Variants in BRMS1 observed in about 807,000 individuals in gnomAD.
BRMS1 encodes BRMS1 transcriptional repressor and anoikis regulator.
In BRMS1, 26 loss-of-function variants were observed where a neutral mutation model predicts 40.4. The ratio of observed to expected loss-of-function variants is 0.64; its 90% CI spans 0.47 to 0.89. BRMS1 has a LOEUF of 0.89. Among genes scored for constraint, BRMS1 ranks in the 40% least tolerant of loss-of-function variants. The probability of loss-of-function intolerance (pLI) is 0.00; values close to 1 mark genes in which losing one functional copy is unlikely to be tolerated. For synonymous variants in BRMS1, 103 were observed against 116.0 expected, an observed-to-expected ratio of 0.89 and a Z score of 0.72; for missense variants, 289 against 309.4, an observed-to-expected ratio of 0.93 and a Z score of 0.49.
In BRMS1 at chr11:66,338,731, G is replaced by A; in HGVS notation, c.683C>T (p.Ala228Val). The A allele has an allele frequency of 6.2e-7, 1 of 1,606,662 alleles. No individual in the cohort carries two copies. ...QEIDILEDWT[A>V]IKKARAAVSP... ...AGCAGCGGCCCCCACCTTTTTGATG[G>A]CTGTCCAGTCCTCCAGGATGTCGAT... The change falls in exon 8 of 10, where the codon GCC (alanine) becomes GTC (valine). Residue 228 changes from alanine (A) to valine (V), a missense_variant. Coordinates refer to ENST00000359957, the MANE Select transcript of BRMS1 (RefSeq NM_015399.4).
At position 66,341,733 on chromosome 11, in the gene BRMS1, C is replaced by T. The variant is rs567437326; in HGVS notation, c.140-110G>A. 2.9e-4 allele frequency: 271 copies of T among 930,960 alleles called. 3 individuals carry two copies. The South Asian group carries it at 3.5e-3, about 12-fold the overall frequency. 57.7% of individuals were successfully genotyped at this position (930,960 alleles called of 1,614,324 possible). ...TGTGCATGCATGCCTGTGTGTAGGGCCTGTGTGTGTGTGCGCGTACATGCT... is the reference window on the plus strand; with the variant it reads ...TGTGCATGCATGCCTGTGTGTAGGGTCTGTGTGTGTGTGCGCGTACATGCT... On this transcript the variant is annotated intron_variant, in intron 2 of 9. Coordinates refer to ENST00000359957, the MANE Select transcript of BRMS1 (RefSeq NM_015399.4). The surrounding 1 kb of genome is among the most constrained non-coding windows in gnomAD (Gnocchi z 4.9).
At chr11:66,344,796 G>C (rs1330270911) in intron 1 of BRMS1, 176 bp downstream of exon 1, 1 of 152,314 alleles carries the variant, frequency 6.6e-6, no homozygotes, top group African/African-American at 2.4e-5. Flanking sequence ...CGCCCAGGGG[G>C]CCTCCCGCTC....
chr11:66,339,375 G>A (rs192361541), intron 7 of BRMS1, among the ~76,000 whole-genome samples: 19 of 152,358 alleles, frequency 1.2e-4, no homozygotes, highest in African/African-American at 2.6e-4. Flanking sequence ...GCCTAGGAAG[G>A]GGTGGAGGCA....
intron 1 of BRMS1, 46 bp from the exon 2 acceptor site, chr11:66,342,287 G>C: frequency 6.3e-7 from 1 of 1,599,676 alleles, no homozygotes; most frequent in African/African-American, 1.3e-5. Context: ...CCACAGCTCA[G>C]AGGGGGAAAG....
Position 66,337,459 on chromosome 11 carries a change from C to T in BRMS1, c.*423G>A. On this transcript the variant is annotated 3_prime_UTR_variant, in exon 10 of 10. Coordinates refer to ENST00000359957, the MANE Select transcript of BRMS1 (RefSeq NM_015399.4). Reference sequence around the variant, plus strand: ...AGATCCAGCCAGGGTGGACAGACCCCCAGATAATCACGTCTGACTCAGAGT... The same window carrying T: ...AGATCCAGCCAGGGTGGACAGACCCTCAGATAATCACGTCTGACTCAGAGT... The T allele has an allele frequency of 3.6e-6, 2 of 553,710 alleles. No individual in the cohort carries two copies. Among genetic ancestry groups the T allele is most frequent in the Non-Finnish European group, 6.4e-6 (2 of 310,302 alleles). The allele number at this position is 553,710 out of a possible 1,614,324, so 34.3% of individuals were successfully genotyped here. A position where few individuals can be genotyped will look rare whatever the true frequency, so the allele number is the denominator to read the frequency against.
Position 66,338,250 on chromosome 11 carries a change from T to A in BRMS1, c.726A>T (p.Lys242Asn), listed in dbSNP as rs1854977392. ...AACAGCCATGGTTCTTACCATCCGA[T>A]TTTCTCTTCTGAGGGGACACAGCTG... ...ARAAVSPQKRKSDGP is the reference protein window; with the variant it reads ...ARAAVSPQKRNSDGP Residue 242 changes from lysine (K) to asparagine (N), a missense_variant, in exon 9 of 10, where the codon AAA becomes AAT. Lys to Asn is a moderately conservative substitution (Grantham distance 94, BLOSUM62 0). Coordinates refer to ENST00000359957, the MANE Select transcript of BRMS1 (RefSeq NM_015399.4). The A allele has an allele frequency of 1.9e-6, 3 of 1,611,434 alleles. No individual in the cohort carries two copies. The highest frequency in any genetic ancestry group is 2.5e-6 in the Non-Finnish European group (3 of 1,178,798).
chr11:66,340,217 C>T lies in BRMS1; in HGVS notation c.536-4G>A. On this transcript the variant is annotated splice_region_variant and splice_polypyrimidine_tract_variant and intron_variant, in intron 6 of 9. Coordinates refer to ENST00000359957, the MANE Select transcript of BRMS1 (RefSeq NM_015399.4). ...TGCAGTTTGTCATCCCACCATTCTG[C>T]CCCGAGACCCAGAGTTAGAATTGGG... 2 of 1,612,812 alleles carry T rather than the reference C, an allele frequency of 1.2e-6. No individual in the cohort carries two copies. Among genetic ancestry groups the T allele is most frequent in the Middle Eastern group, 3.3e-4 (2 of 6,058 alleles).
At chr11:66,338,143 C>T in intron 9 of BRMS1, 100 bp downstream of exon 9, 2 of 1,499,554 alleles carry the variant, frequency 1.3e-6, no homozygotes, top group Non-Finnish European at 1.8e-6. Context: ...CTGATTCTGA[C>T]ACAGTCACAG....
At chr11:66,340,073 G>T in intron 7 of BRMS1, 48 bp downstream of exon 7, 2 of 1,535,320 alleles carry the variant, frequency 1.3e-6, no homozygotes, top group South Asian at 1.1e-5. Context: ...GTCTGGAGTT[G>T]ACCCTTACAT....
chr11:66,337,643 G>A lies in BRMS1; in HGVS notation c.*239C>T, dbSNP rs770632740. ...GGAGGTGGCAGGCGGCTCAGGGATGGAGACAGCAGCCTTGCCTGGTCAGGT... is the reference window on the plus strand; with the variant it reads ...GGAGGTGGCAGGCGGCTCAGGGATGAAGACAGCAGCCTTGCCTGGTCAGGT... On this transcript the variant is annotated 3_prime_UTR_variant, in exon 10 of 10. Coordinates refer to ENST00000359957, the MANE Select transcript of BRMS1 (RefSeq NM_015399.4). The A allele has an allele frequency of 6.6e-7, 1 of 1,514,810 alleles. No homozygotes were observed. The highest frequency in any genetic ancestry group is 8.9e-7 in the Non-Finnish European group (1 of 1,124,008). The allele number at this position is 1,514,810 out of a possible 1,614,324, so 93.8% of individuals were successfully genotyped here.
chr11:66,342,806 C>T (rs1189189092), intron 1 of BRMS1, among the ~76,000 whole-genome samples: 1 of 152,236 alleles, frequency 6.6e-6, no homozygotes, highest in African/African-American at 2.4e-5. Context: ...CTCCTTCATC[C>T]CAACATATAA....
In BRMS1 at chr11:66,341,621, T is replaced by A. The variant is rs920915897; in HGVS notation, c.142A>T (p.Met48Leu). Residue 48 changes from methionine (M) to leucine (L), a missense_variant and splice_region_variant, in exon 3 of 10, where the codon ATG becomes TTG. Coordinates refer to ENST00000359957, the MANE Select transcript of BRMS1 (RefSeq NM_015399.4). This position sits in a 1 kb window ranked among gnomAD's most constrained non-coding sequence, Gnocchi z 4.9. The part of the protein sequence containing the change: ...QTESEEESSE[M>L]DDEDYERRRS... ...CGTCGCTCATAGTCCTCATCATCCATCTCTGGGACAAGAGGCCAGTAAGGG... is the reference window on the plus strand; with the variant it reads ...CGTCGCTCATAGTCCTCATCATCCAACTCTGGGACAAGAGGCCAGTAAGGG... 6.2e-7 allele frequency: 1 copy of A among 1,613,802 alleles called. No homozygotes were observed. Among genetic ancestry groups the A allele is most frequent in the African/African-American group, 1.3e-5 (1 of 74,902 alleles).
Position 66,341,804 on chromosome 11 carries a change from CTG to C in BRMS1, c.140-183_140-182del, listed in dbSNP as rs1476091614. ...GTGCGTGTGTGCTTGTGTGTAGGGG[CTG>C]TGTGTGCATATGCGTGCGTGCTTGT... On this transcript the variant is annotated intron_variant, in intron 2 of 9. Coordinates refer to ENST00000359957, the MANE Select transcript of BRMS1 (RefSeq NM_015399.4). This position sits in a 1 kb window ranked among gnomAD's most constrained non-coding sequence, Gnocchi z 4.9. The C allele has an allele frequency of 7.5e-6, 5 of 670,154 alleles. No homozygotes were observed. Among genetic ancestry groups the C allele is most frequent in the South Asian group, 3.3e-5 (2 of 59,882 alleles). 41.5% of individuals were successfully genotyped at this position (670,154 alleles called of 1,614,324 possible).
chr11:66,341,571 C>A lies in BRMS1; in HGVS notation c.192G>T (p.Met64Ile). 6.2e-7 allele frequency: 1 copy of A among 1,614,190 alleles called. No individual in the cohort carries two copies. Among genetic ancestry groups the A allele is most frequent in the Non-Finnish European group, 8.5e-7 (1 of 1,180,034 alleles). ...ERRRSECVSE[M>I]LDLEKQFSEL... The stretch of plus-strand genomic sequence containing the variant: ...CCGAGAACTGCTTCTCTAGGTCCAG[C>A]ATCTCACTGACACACTCGCTGCGGC... Residue 64 changes from methionine (M) to isoleucine (I), a missense_variant, in exon 3 of 10, where the codon ATG becomes ATT. By Grantham distance (10) the Met-to-Ile change is conservative (BLOSUM62 1). Coordinates refer to ENST00000359957, the MANE Select transcript of BRMS1 (RefSeq NM_015399.4). The surrounding 1 kb of genome is among the most constrained non-coding windows in gnomAD (Gnocchi z 4.9).
At position 66,341,480 on chromosome 11, in the gene BRMS1, ACCT is replaced by A. The variant is rs938339898; in HGVS notation, c.230+50_230+52del. 5.6e-6 allele frequency: 9 copies of A among 1,605,486 alleles called. No individual in the cohort carries two copies. In the Admixed American group the frequency reaches 1.0e-4, roughly 18 times the overall value. On this transcript the variant is annotated intron_variant, in intron 3 of 9. Coordinates refer to ENST00000359957, the MANE Select transcript of BRMS1 (RefSeq NM_015399.4). The surrounding 1 kb of genome is among the most constrained non-coding windows in gnomAD (Gnocchi z 4.9). ...ACGCCTGCCCAGTACCAGGCCCACC[ACCT>A]CCTCATCCCAGATCCTCGCAGACCC...
At chr11:66,338,029 T>C (rs1351841003) in intron 9 of BRMS1, 140 bp from the exon 10 acceptor site, 3 of 1,172,198 alleles carry the variant, frequency 2.6e-6, no homozygotes, top group Non-Finnish European at 3.6e-6. Flanking sequence ...CCCTCCTGAG[T>C]GGGAGCTCCA....
Position 66,341,392 on chromosome 11 carries a change from A to C in BRMS1, c.231-59T>G. 1.9e-6 allele frequency: 3 copies of C among 1,603,920 alleles called. No homozygotes were observed. The South Asian group carries it at 3.3e-5, about 18-fold the overall frequency. Reference sequence around the variant, plus strand: ...GCTCACCCATCGCTCTTGGGCAAACACATACCCAGCACCCATTCCACAGCA... The same window carrying C: ...GCTCACCCATCGCTCTTGGGCAAACCCATACCCAGCACCCATTCCACAGCA... On this transcript the variant is annotated intron_variant, in intron 3 of 9. Transcript: ENST00000359957. This position sits in a 1 kb window ranked among gnomAD's most constrained non-coding sequence, Gnocchi z 4.9.
At chr11:66,338,523 G>A (rs1199448518) in intron 8 of BRMS1, 198 bp downstream of exon 8, 2 of 1,536,468 alleles carry the variant, frequency 1.3e-6, no homozygotes, top group Non-Finnish European at 1.7e-6. Context: ...GGAAGGGGCT[G>A]ACACAGACTA....
chr11:66,338,148 T>C (rs1854973335), intron 9 of BRMS1, 95 bp downstream of exon 9: 1 of 1,518,852 alleles, frequency 6.6e-7, no homozygotes, highest in Non-Finnish European at 9.0e-7. Context: ...TCTGACACAG[T>C]CACAGCCTTT....
Sources: allele counts gnomAD v4.1 joint callset (sites outside exome capture counted in the v4.1 genomes callset), GRCh38; gene constraint gnomAD v4.1.1; non-coding constraint Gnocchi (gnomAD v3.1); transcripts MANE v1.5; gene names NCBI Gene and HGNC (gene_info 2026-07-23, HGNC 2026-07-21).